The following WBP2NL variants were observed in gnomAD, a reference collection of about 807,000 sequenced individuals.
WBP2NL encodes the protein postacrosomal sheath WW domain-binding protein.
WBP2NL carries 27 observed loss-of-function variants against 23.3 expected under a neutral mutation model. The ratio of observed to expected loss-of-function variants is 1.16; its 90% CI spans 0.85 to 1.60. WBP2NL has a LOEUF of 1.60. Among genes scored for constraint, WBP2NL ranks in the 40% most tolerant of loss-of-function variants. WBP2NL has a pLI of 0.00. For synonymous variants in WBP2NL, 151 were observed against 145.9 expected, an observed-to-expected ratio of 1.03 and a Z score of -0.25; for missense variants, 370 against 389.5, an observed-to-expected ratio of 0.95 and a Z score of 0.42.
intron 8 of WBP2NL, among the ~76,000 whole-genome samples, chr22:42,046,535 A>T (rs133358): frequency 0.39 from 59,733 of 151,902 alleles, 14,349 homozygotes; most frequent in East Asian, 0.84. Flanking sequence ...AAGTTTTATG[A>T]ATTTTTTGTC....
intron 5 of WBP2NL, 113 bp downstream of exon 5, chr22:42,022,469 C>A: frequency 3.1e-6 from 3 of 962,688 alleles, no homozygotes; most frequent in Non-Finnish European, 4.6e-6. Context: ...GCTTTAGGGG[C>A]TTGGAAAATG....
At chr22:42,040,279 A>G (rs1361763392) in intron 8 of WBP2NL, among the ~76,000 whole-genome samples, 3 of 122,542 alleles carry the variant, frequency 2.4e-5, no homozygotes, top group Admixed American at 8.2e-5. Flanking sequence ...CTGGAGTGCA[A>G]TGGTGCGATC....
intron 1 of WBP2NL, among the ~76,000 whole-genome samples, chr22:42,013,013 G>GT: frequency 6.6e-6 from 1 of 151,094 alleles, no homozygotes; most frequent in Admixed American, 6.6e-5. Flanking sequence ...ACAACGGAGT[G>GT]TTTTTTTACT....
chr22:42,012,173 T>C (rs1385085744), intron 1 of WBP2NL, among the ~76,000 whole-genome samples: 1 of 152,174 alleles, frequency 6.6e-6, no homozygotes, highest in Non-Finnish European at 1.5e-5. Flanking sequence ...TTGTTGAACT[T>C]AAATTTTTTT....
chr22:42,001,035 C>T, intron 1 of WBP2NL: 2 of 708,348 alleles, frequency 2.8e-6, no homozygotes, highest in African/African-American at 3.5e-5. Flanking sequence ...ATACAACATG[C>T]CTGTTCAAAG....
intron 1 of WBP2NL, chr22:42,001,769 T>G (rs1267777422): frequency 1.7e-6 from 2 of 1,189,974 alleles, no homozygotes; most frequent in Non-Finnish European, 2.5e-6. Flanking sequence ...AGGACAGGAC[T>G]CCGTGCTCCT....
At chr22:42,032,468 G>A (rs1417637503), downstream of WBP2NL, 34 of 223,554 alleles carry the variant, frequency 1.5e-4, 1 homozygote, top group Non-Finnish European at 7.3e-5. Flanking sequence ...CAAATCTCAG[G>A]ATTTGGGTTT....
intron 8 of WBP2NL, among the ~76,000 whole-genome samples, chr22:42,042,385 A>G (rs1001042748): frequency 1.2e-4 from 19 of 152,110 alleles, no homozygotes; most frequent in Non-Finnish European, 2.6e-4. Flanking sequence ...CAATTAGATA[A>G]TTTCAAATAA....
At chr22:42,008,635 A>G (rs1204869512) in intron 1 of WBP2NL, among the ~76,000 whole-genome samples, 1 of 151,826 alleles carries the variant, frequency 6.6e-6, no homozygotes, top group Non-Finnish European at 1.5e-5. Flanking sequence ...TTTGTGTATT[A>G]TTGCTCTTGT....
At chr22:42,040,775 C>T (rs1750215234) in intron 8 of WBP2NL, among the ~76,000 whole-genome samples, 1 of 152,036 alleles carries the variant, frequency 6.6e-6, no homozygotes. Context: ...AAGAAGATAC[C>T]AGGTATTATT....
intron 8 of WBP2NL, among the ~76,000 whole-genome samples, chr22:42,057,889 ATATATATATATATTTTTTTTTTTTTTTTT>A (rs1926122106): frequency 4.9e-5 from 1 of 20,346 alleles, no homozygotes; most frequent in African/African-American, 2.0e-4. Context: ...ATATATATAT[ATATATATATATATTTTTTTTTTTTTTTTT>A]TTTTTTTTTT....
chr22:42,035,629 T>C (rs57852393), downstream of WBP2NL, among the ~76,000 whole-genome samples: 3,545 of 152,344 alleles, frequency 0.023, 159 homozygotes, highest in African/African-American at 0.081. Context: ...TGAATCACTT[T>C]TTTGTCTCTT....
At chr22:42,001,388 C>T (rs114702531) in intron 1 of WBP2NL, 31 of 717,728 alleles carry the variant, frequency 4.3e-5, no homozygotes, top group African/African-American at 3.7e-4. Context: ...TCATAGTTAC[C>T]GAAGTAGGCA....
chr22:42,043,596 G>A (rs916164592), intron 8 of WBP2NL, among the ~76,000 whole-genome samples: 1 of 152,226 alleles, frequency 6.6e-6, no homozygotes, highest in Non-Finnish European at 1.5e-5. Flanking sequence ...GTAGGCATGT[G>A]CATGGAGGGA....
At position 42,028,186 on chromosome 22, in the gene WBP2NL, C is replaced by A; in HGVS notation, c.*1005C>A. 1 of 397,788 alleles carries A rather than the reference C, an allele frequency of 2.5e-6. No homozygotes were observed. Among genetic ancestry groups the A allele is most frequent in the South Asian group, 1.3e-4 (1 of 7,612 alleles). 24.6% of individuals were successfully genotyped at this position (397,788 alleles called of 1,614,324 possible). On this transcript the variant is annotated 3_prime_UTR_variant, in exon 6 of 6. Coordinates refer to ENST00000328823, the MANE Select transcript of WBP2NL (RefSeq NM_152613.3). ...ATATATGAATAGGCTATGGTATGCC[C>A]ATACTACGTATGCAGAAATTTCTAA...
downstream of WBP2NL, among the ~76,000 whole-genome samples, chr22:42,034,317 AAG>A (rs1399105611): frequency 1.3e-5 from 2 of 152,216 alleles, no homozygotes; most frequent in Non-Finnish European, 2.9e-5. Context: ...CAGAGTACAA[AAG>A]AGAGAAATTT....
At chr22:42,037,056 C>A (rs1207633850), downstream of WBP2NL, among the ~76,000 whole-genome samples, 1 of 151,722 alleles carries the variant, frequency 6.6e-6, no homozygotes. Flanking sequence ...TTTGCAGTTT[C>A]AAGTTTTACA....
chr22:42,025,626 A>G lies in WBP2NL; in HGVS notation c.515-1140A>G, dbSNP rs376958774. Among the ~76,000 whole-genome samples the G allele has an allele frequency of 7.9e-5, 12 of 152,338 alleles. No individual in the cohort carries two copies. The East Asian group carries it at 2.1e-3, about 27-fold the overall frequency. On this transcript the variant is annotated intron_variant, in intron 5 of 5. Coordinates refer to ENST00000328823, the MANE Select transcript of WBP2NL (RefSeq NM_152613.3). ...GCATTCTGTCAAAAATCAACTGTTC[A>G]TAGATGCTTGGGTTTATTTCTGGAC...
chr22:42,048,088 A>G lies in WBP2NL; in HGVS notation c.*274-10202A>G, dbSNP rs1022114138. ...TATCCAGGTGTGCAGAACAGTTTCA[A>G]CATTTGAAATTAATATAATCCATCA... On this transcript the variant is annotated intron_variant and NMD_transcript_variant, in intron 8 of 8. Coordinates refer to the WBP2NL transcript ENST00000436265. Among the ~76,000 whole-genome samples the G allele has an allele frequency of 3.9e-5, 6 of 152,292 alleles. No homozygotes were observed. The East Asian group carries it at 5.8e-4, about 15-fold the overall frequency.
Sources: allele counts gnomAD v4.1 joint callset (sites outside exome capture counted in the v4.1 genomes callset), GRCh38; gene constraint gnomAD v4.1.1; transcripts MANE v1.5; gene names NCBI Gene and HGNC (gene_info 2026-07-23, HGNC 2026-07-21).